The following ERBB4 variants were observed in gnomAD, a reference collection of about 807,000 sequenced individuals.
The protein encoded by ERBB4 is erb-b2 receptor tyrosine kinase 4.
Under a neutral mutation model 158.0 loss-of-function variants are expected in ERBB4, and 42 were observed. The observed-to-expected ratio is 0.27, with a 90% CI of 0.21 to 0.34. The LOEUF (loss-of-function observed/expected upper bound fraction) is 0.34. ERBB4 is among the 10% of genes least tolerant of loss of function. The pLI is 1.00. For synonymous variants in ERBB4, 583 were observed against 558.7 expected (o/e 1.04, Z -0.61); for missense variants, 1,333 against 1,624.1 (o/e 0.82, Z 3.08).
chr2:211,717,494 T>C (rs1356541958), intron 7 of ERBB4, among the ~76,000 whole-genome samples: 1 of 152,220 alleles, frequency 6.6e-6, no homozygotes, highest in Non-Finnish European at 1.5e-5. Flanking sequence ...ACGTGTTTCA[T>C]AACAATGACT....
chr2:212,355,992 A>G (rs1249969959), intron 1 of ERBB4, among the ~76,000 whole-genome samples: 5 of 152,054 alleles, frequency 3.3e-5, no homozygotes, highest in African/African-American at 1.2e-4. Flanking sequence ...AAAAAGCACT[A>G]AACAAAATTA....
At chr2:211,717,364 A>G (rs1176869577) in intron 7 of ERBB4, among the ~76,000 whole-genome samples, 1 of 152,184 alleles carries the variant, frequency 6.6e-6, no homozygotes, top group Non-Finnish European at 1.5e-5. Context: ...AAGATGCAAA[A>G]TCTTTGCTGT....
chr2:211,520,554 C>T (rs914158416), intron 20 of ERBB4, among the ~76,000 whole-genome samples: 3 of 151,970 alleles, frequency 2.0e-5, no homozygotes, highest in African/African-American at 7.2e-5. Flanking sequence ...AACTAGTGAT[C>T]GTATATGGAC....
intron 12 of ERBB4, among the ~76,000 whole-genome samples, chr2:211,696,826 T>C (rs933571047): frequency 3.3e-5 from 5 of 151,988 alleles, no homozygotes; most frequent in African/African-American, 7.2e-5. Flanking sequence ...CCTGCCACCA[T>C]GTCTGGCTAA....
chr2:211,744,303 A>G (rs2074894104), intron 5 of ERBB4, among the ~76,000 whole-genome samples: 3 of 152,204 alleles, frequency 2.0e-5, no homozygotes, highest in African/African-American at 7.2e-5. Flanking sequence ...TTTACTGAAA[A>G]TGTACTAACT....
At chr2:211,742,017 C>A (rs1441045548) in intron 5 of ERBB4, among the ~76,000 whole-genome samples, 1 of 151,718 alleles carries the variant, frequency 6.6e-6, no homozygotes, top group Non-Finnish European at 1.5e-5. Flanking sequence ...ACCATAAATC[C>A]AAAAAAGGAA....
At chr2:211,755,431 G>T (rs2075268519) in intron 4 of ERBB4, among the ~76,000 whole-genome samples, 1 of 152,210 alleles carries the variant, frequency 6.6e-6, no homozygotes, top group South Asian at 2.1e-4. Context: ...GAACCTGGGA[G>T]GCGAAGGTTG....
chr2:212,178,743 GAAGAT>G (rs1270848065), intron 1 of ERBB4, among the ~76,000 whole-genome samples: 2 of 151,592 alleles, frequency 1.3e-5, no homozygotes, highest in Admixed American at 6.6e-5. Flanking sequence ...TCAGAGATTT[GAAGAT>G]AAGAGCAGGT....
intron 3 of ERBB4, among the ~76,000 whole-genome samples, chr2:211,944,184 T>TAC (rs2080599998): frequency 2.4e-5 from 1 of 42,094 alleles, no homozygotes; most frequent in African/African-American, 1.2e-4. Flanking sequence ...ATACTATATA[T>TAC]ATATATATAT....
At chr2:211,388,512 C>G (rs1047878222) in intron 25 of ERBB4, among the ~76,000 whole-genome samples, 2 of 151,882 alleles carry the variant, frequency 1.3e-5, no homozygotes, top group African/African-American at 4.8e-5. Flanking sequence ...AAGGTAAACT[C>G]CTTAGTCTCT....
intron 25 of ERBB4, among the ~76,000 whole-genome samples, chr2:211,393,481 T>C (rs1462640860): frequency 6.6e-6 from 1 of 152,194 alleles, no homozygotes; most frequent in African/African-American, 2.4e-5. Flanking sequence ...CTTTAGCATT[T>C]CTATTCTTAC....
chr2:211,503,291 G>A (rs1036470986), intron 20 of ERBB4, among the ~76,000 whole-genome samples: 24 of 152,156 alleles, frequency 1.6e-4, no homozygotes, highest in African/African-American at 5.1e-4. Context: ...TGCCCTAAGC[G>A]GCTGCAGCTC....
chr2:212,255,180 T>G (rs1437941604), intron 1 of ERBB4, among the ~76,000 whole-genome samples: 1 of 152,170 alleles, frequency 6.6e-6, no homozygotes. Flanking sequence ...TACTGAATAC[T>G]GTACTATTAA....
At chr2:212,112,321 TAC>T (rs1338549847) in intron 2 of ERBB4, among the ~76,000 whole-genome samples, 1 of 152,210 alleles carries the variant, frequency 6.6e-6, no homozygotes, top group Non-Finnish European at 1.5e-5. Context: ...AAGTTCTCGG[TAC>T]AGTTTTCCTT....
chr2:212,428,027 T>C (rs1574900932), intron 1 of ERBB4, among the ~76,000 whole-genome samples: 1 of 152,262 alleles, frequency 6.6e-6, no homozygotes, highest in Non-Finnish European at 1.5e-5. Flanking sequence ...ATTGAAGGTG[T>C]ACATAGTAGA....
chr2:211,443,352 T>C (rs1413242159), intron 20 of ERBB4, among the ~76,000 whole-genome samples: 2 of 152,122 alleles, frequency 1.3e-5, no homozygotes, highest in South Asian at 2.1e-4. Context: ...TCAGGCTTAC[T>C]TGCATATATG....
intron 3 of ERBB4, among the ~76,000 whole-genome samples, chr2:211,848,352 T>C (rs770554402): frequency 3.9e-5 from 6 of 151,940 alleles, no homozygotes; most frequent in African/African-American, 1.5e-4. Context: ...GCAAGTAATA[T>C]GGTGTGATAA....
chr2:211,630,602 C>T lies in ERBB4; in HGVS notation c.1947-8G>A, dbSNP rs758098309. 1.2e-6 allele frequency: 2 copies of T among 1,602,674 alleles called. No homozygotes were observed. Among genetic ancestry groups the T allele is most frequent in the South Asian group, 2.2e-5 (2 of 90,234 alleles). ...GCTGCAATCAGGGGAGTTCTGACAACCAGAATGAGAAAAAAAAAAATAAAA... is the reference window on the plus strand; with the variant it reads ...GCTGCAATCAGGGGAGTTCTGACAATCAGAATGAGAAAAAAAAAAATAAAA... On this transcript the variant is annotated splice_polypyrimidine_tract_variant and splice_region_variant and intron_variant, in intron 16 of 27. Coordinates refer to ENST00000342788, the MANE Select transcript of ERBB4 (RefSeq NM_005235.3).
chr2:212,081,767 G>T (rs1427901338), intron 2 of ERBB4, among the ~76,000 whole-genome samples: 1 of 152,072 alleles, frequency 6.6e-6, no homozygotes, highest in African/African-American at 2.4e-5. Context: ...TCTTGAAGCA[G>T]AATACAACAT....
Sources: gnomAD v4.1 joint callset for allele counts (sites outside exome capture counted in the v4.1 genomes callset) on GRCh38, gnomAD v4.1.1 for gene constraint, MANE v1.5 for transcripts, NCBI Gene and HGNC (gene_info 2026-07-23, HGNC 2026-07-21) for gene names.